CHMP1B: variants seen among roughly 807,000 people sequenced by gnomAD.
The protein encoded by CHMP1B is VPS46 homolog B.
Under a neutral mutation model 11.5 loss-of-function variants are expected in CHMP1B, and 5 were observed. That is an observed-to-expected ratio of 0.43 (90% confidence interval 0.23 to 0.91). The LOEUF is 0.91. CHMP1B is among the 40% of genes least tolerant of loss of function. CHMP1B has a pLI of 0.25. For missense variants in CHMP1B, 246 were observed against 261.2 expected (o/e 0.94, Z 0.40); for synonymous variants, 105 against 105.7 (o/e 0.99, Z 0.04).
rs1309729637 is a variant in CHMP1B, at chr18:11,853,573, A to G, written c.*1462A>G. On this transcript the variant is annotated 3_prime_UTR_variant, in exon 1 of 1. Transcript: ENST00000526991. ...CCCTTCCAAGTTCTTTGAAAGATTC[A>G]TAACCAACTATTCACTATTATAACA... is the stretch of plus-strand genomic sequence containing the variant. 1.2e-5 allele frequency: 2 copies of G among 167,082 alleles called. No homozygotes were observed. Among genetic ancestry groups the G allele is most frequent in the Non-Finnish European group, 2.9e-5 (2 of 68,124 alleles). 10.3% of individuals were successfully genotyped at this position (167,082 alleles called of 1,614,324 possible).
Position 11,854,034 on chromosome 18 carries a change from A to G in CHMP1B, c.*1923A>G, listed in dbSNP as rs544096430. On this transcript the variant is annotated 3_prime_UTR_variant, in exon 1 of 1. Transcript: ENST00000526991. ...GAGACAGGGTTTCACTATGTTGGCC[A>G]GGCTGGTCTTGAACTCCTGACCTCA... 1 of 166,812 alleles carries G rather than the reference A, an allele frequency of 6.0e-6. No individual in the cohort carries two copies. The highest frequency in any genetic ancestry group is 6.5e-5 in the Admixed American group (1 of 15,306). The allele number at this position is 166,812 out of a possible 1,614,324, so 10.3% of individuals were successfully genotyped here.
At position 11,851,751 on chromosome 18, in the gene CHMP1B, G is replaced by C. The variant is rs1301933761; in HGVS notation, c.240G>C (p.Gln80His). 1 of 1,613,924 alleles carries C rather than the reference G, an allele frequency of 6.2e-7. No homozygotes were observed. Reference sequence around the variant, plus strand: ...TCGATGCAGTGGCTGCCAGGGTCCAGACGGCGGTGACGATGGGCAAGGTGA... The same window carrying C: ...TCGATGCAGTGGCTGCCAGGGTCCACACGGCGGTGACGATGGGCAAGGTGA... ...ARVDAVAARV[Q>H]TAVTMGKVTK... Residue 80 changes from glutamine (Q) to histidine (H), a missense_variant, in exon 1 of 1, where the codon CAG becomes CAC. Gln to His is a conservative substitution (Grantham distance 24). Transcript: ENST00000526991.
chr18:11,851,840 A>T lies in CHMP1B; in HGVS notation c.329A>T (p.Lys110Met). The T allele has an allele frequency of 6.2e-7, 1 of 1,613,890 alleles. No individual in the cohort carries two copies. The highest frequency in any genetic ancestry group is 2.2e-5 in the East Asian group (1 of 44,898). ...ACATTGAAGACCATGAATCTGGAGA[A>T]GATTTCTGCTTTGATGGACAAATTC... ...DATLKTMNLE[K>M]ISALMDKFEH... is the part of the protein sequence containing the mutation. Residue 110 changes from lysine (K) to methionine (M), a missense_variant, in exon 1 of 1, where the codon AAG (lysine) becomes ATG (methionine). Lys to Met is a moderately conservative substitution (Grantham distance 95). Coordinates refer to ENST00000526991, the MANE Select transcript of CHMP1B (RefSeq NM_020412.5).
Position 11,852,730 on chromosome 18 carries a change from A to T in CHMP1B, c.*619A>T, listed in dbSNP as rs1194096796. ...AATTACCTTAGGATATTTTTGCATA[A>T]TACTCTCTTACTGCTTACATTCTAT... On this transcript the variant is annotated 3_prime_UTR_variant, in exon 1 of 1. Coordinates refer to ENST00000526991, the MANE Select transcript of CHMP1B (RefSeq NM_020412.5). 1 of 166,502 alleles carries T rather than the reference A, an allele frequency of 6.0e-6. No homozygotes were observed. Among genetic ancestry groups the T allele is most frequent in the Admixed American group, 6.6e-5 (1 of 15,246 alleles). The allele number at this position is 166,502 out of a possible 1,614,324, so 10.3% of individuals were successfully genotyped here.
rs1647542 is a variant in CHMP1B, at chr18:11,853,054, A to G, written c.*943A>G. 0.98 allele frequency: 164,479 copies of G among 167,214 alleles called. 80,949 individuals are homozygous for G. Among genetic ancestry groups the G allele is most frequent in the East Asian group, 1 (5,194 of 5,194 alleles). 10.4% of individuals were successfully genotyped at this position (167,214 alleles called of 1,614,324 possible). A position where few individuals can be genotyped will look rare whatever the true frequency, so the allele number is the denominator to read the frequency against. On this transcript the variant is annotated 3_prime_UTR_variant, in exon 1 of 1. Coordinates refer to ENST00000526991, the MANE Select transcript of CHMP1B (RefSeq NM_020412.5). ...TGTTGATTTCGTTTGAGAAAACCCT[A>G]GGACTGTGTGTGTGTAGGTTTTGTT...
rs927571474 is a variant in CHMP1B at position 11,854,326 on chromosome 18, T to C, written c.*2215T>C. The C allele has an allele frequency of 1.2e-5, 2 of 167,124 alleles. No homozygotes were observed. The highest frequency in any genetic ancestry group is 1.3e-4 in the Admixed American group (2 of 15,286). The allele number at this position is 167,124 out of a possible 1,614,324, so 10.4% of individuals were successfully genotyped here. On this transcript the variant is annotated 3_prime_UTR_variant, in exon 1 of 1. Transcript: ENST00000526991. ...ATACTATTATGAATGTACATTTTTA[T>C]GAGTCATAAATATTATTTTCAAAAG... is the stretch of plus-strand genomic sequence containing the variant.
At position 11,852,012 on chromosome 18, in the gene CHMP1B, G is replaced by A; in HGVS notation, c.501G>A (p.Glu167=). The change falls in exon 1 of 1, where the codon GAG becomes GAA. Residue 167 remains glutamate (E), a synonymous_variant. Transcript: ENST00000526991. ...AGGCGGGCCTCGACCTCAACATGGA[G>A]CTGCCGCAGGGCCAGACCGGCTCCG... is the stretch of plus-strand genomic sequence containing the variant. ...ADEAGLDLNM[E]LPQGQTGSVG... is the part of the protein sequence containing the mutation. The A allele has an allele frequency of 6.2e-7, 1 of 1,613,612 alleles. No individual in the cohort carries two copies. The highest frequency in any genetic ancestry group is 1.1e-5 in the South Asian group (1 of 91,084).
In CHMP1B at chr18:11,852,606, G is replaced by T. The variant is rs565943555; in HGVS notation, c.*495G>T. The stretch of plus-strand genomic sequence containing the variant: ...TATTTCTGTTTATCCTTTGGGTTTT[G>T]GTTTTTGTTTTTTTTTTTTTTGCCT... On this transcript the variant is annotated 3_prime_UTR_variant, in exon 1 of 1. Coordinates refer to ENST00000526991, the MANE Select transcript of CHMP1B (RefSeq NM_020412.5). 150 of 58,606 alleles carry T rather than the reference G, an allele frequency of 2.6e-3. 1 individual carries two copies. The highest frequency in any genetic ancestry group is 9.3e-3 in the African/African-American group (115 of 12,370). The allele number at this position is 58,606 out of a possible 1,614,324, so 3.6% of individuals were successfully genotyped here.
Position 11,853,144 on chromosome 18 carries a change from A to G in CHMP1B, c.*1033A>G, listed in dbSNP as rs532246054. On this transcript the variant is annotated 3_prime_UTR_variant, in exon 1 of 1. Coordinates refer to ENST00000526991, the MANE Select transcript of CHMP1B (RefSeq NM_020412.5). ...GCGTTTTAAGTTCTAATTTGCATTTATTAATTTGTCCAAAAGCAAGAACTC... is the reference window on the plus strand; with the variant it reads ...GCGTTTTAAGTTCTAATTTGCATTTGTTAATTTGTCCAAAAGCAAGAACTC... The G allele has an allele frequency of 1.2e-5, 2 of 167,204 alleles. No individual in the cohort carries two copies. Among genetic ancestry groups the G allele is most frequent in the African/African-American group, 4.8e-5 (2 of 41,598 alleles). The allele number at this position is 167,204 out of a possible 1,614,324, so 10.4% of individuals were successfully genotyped here. A position where few individuals can be genotyped will look rare whatever the true frequency, so the allele number is the denominator to read the frequency against.
Position 11,851,733 on chromosome 18 carries a change from A to G in CHMP1B, c.222A>G (p.Ala74=). Residue 74 remains alanine (A), a synonymous_variant, in exon 1 of 1, where the codon GCA becomes GCG. Transcript: ENST00000526991. ...TGAGAATGAGTGCGCGAGTCGATGC[A>G]GTGGCTGCCAGGGTCCAGACGGCGG... ...NFLRMSARVD[A]VAARVQTAVT... 1 of 1,614,030 alleles carries G rather than the reference A, an allele frequency of 6.2e-7. No individual in the cohort carries two copies. Among genetic ancestry groups the G allele is most frequent in the Non-Finnish European group, 8.5e-7 (1 of 1,179,868 alleles).
Position 11,851,925 on chromosome 18 carries a change from C to A in CHMP1B, c.414C>A (p.Ser138Arg). 6.2e-7 allele frequency: 1 copy of A among 1,613,972 alleles called. No individual in the cohort carries two copies. The highest frequency in any genetic ancestry group is 1.7e-5 in the Admixed American group (1 of 60,030). ...QTQQMEDTMS[S>R]TTTLTTPQNQ... Reference sequence around the variant, plus strand: ...AGCAAATGGAAGACACGATGAGCAGCACGACGACGCTCACCACTCCCCAGA... The same window carrying A: ...AGCAAATGGAAGACACGATGAGCAGAACGACGACGCTCACCACTCCCCAGA... Residue 138 changes from serine to arginine, a missense_variant, in exon 1 of 1, where the codon AGC becomes AGA. Ser to Arg is a moderately radical substitution (Grantham distance 110, BLOSUM62 -1). Transcript: ENST00000526991.
chr18:11,854,001 T>C lies in CHMP1B; in HGVS notation c.*1890T>C, dbSNP rs1483007474. On this transcript the variant is annotated 3_prime_UTR_variant, in exon 1 of 1. Coordinates refer to ENST00000526991, the MANE Select transcript of CHMP1B (RefSeq NM_020412.5). The stretch of plus-strand genomic sequence containing the variant: ...CCATGCCCAGCTAGTTTTTTTGTAT[T>C]TTTAGTAGAGACAGGGTTTCACTAT... The C allele has an allele frequency of 6.0e-6, 1 of 165,636 alleles. No individual in the cohort carries two copies. Among genetic ancestry groups the C allele is most frequent in the Non-Finnish European group, 1.5e-5 (1 of 68,154 alleles). 10.3% of individuals were successfully genotyped at this position (165,636 alleles called of 1,614,324 possible). A position where few individuals can be genotyped will look rare whatever the true frequency, so the allele number is the denominator to read the frequency against.
At position 11,851,538 on chromosome 18, in the gene CHMP1B, C is replaced by G. The variant is rs755446778; in HGVS notation, c.27C>G (p.Phe9Leu). Residue 9 changes from phenylalanine (F) to leucine (L), a missense_variant, in exon 1 of 1, where the codon TTC becomes TTG. Physicochemically the swap from Phe to Leu is conservative, Grantham distance 22. Transcript: ENST00000526991. MSNMEKHL[F>L]NLKFAAKELS... ...TGTCTAACATGGAGAAACACCTGTTCAACCTGAAGTTCGCGGCCAAAGAAC... is the reference window on the plus strand; with the variant it reads ...TGTCTAACATGGAGAAACACCTGTTGAACCTGAAGTTCGCGGCCAAAGAAC... The G allele has an allele frequency of 2.5e-6, 4 of 1,603,864 alleles. No individual in the cohort carries two copies. The East Asian group carries it at 9.0e-5, about 36-fold the overall frequency.
Position 11,853,238 on chromosome 18 carries a change from A to G in CHMP1B, c.*1127A>G, listed in dbSNP as rs866230354. 4 of 167,154 alleles carry G rather than the reference A, an allele frequency of 2.4e-5. No individual in the cohort carries two copies. The highest frequency in any genetic ancestry group is 9.6e-5 in the African/African-American group (4 of 41,478). 10.4% of individuals were successfully genotyped at this position (167,154 alleles called of 1,614,324 possible). On this transcript the variant is annotated 3_prime_UTR_variant, in exon 1 of 1. Coordinates refer to ENST00000526991, the MANE Select transcript of CHMP1B (RefSeq NM_020412.5). ...ATGCAAGTCATTTATGTATACATCCAGCCAGCTGGAAATCTGAGAAGTAAA... is the reference window on the plus strand; with the variant it reads ...ATGCAAGTCATTTATGTATACATCCGGCCAGCTGGAAATCTGAGAAGTAAA...
In CHMP1B at chr18:11,854,323, T is replaced by C. The variant is rs2035953051; in HGVS notation, c.*2212T>C. ...GTCATACTATTATGAATGTACATTT[T>C]TATGAGTCATAAATATTATTTTCAA... On this transcript the variant is annotated 3_prime_UTR_variant, in exon 1 of 1. Transcript: ENST00000526991. 1.8e-5 allele frequency: 3 copies of C among 167,124 alleles called. 1 individual carries two copies. The highest frequency in any genetic ancestry group is 4.1e-4 in the South Asian group (2 of 4,832). The allele number at this position is 167,124 out of a possible 1,614,324, so 10.4% of individuals were successfully genotyped here.
Position 11,851,520 on chromosome 18 carries a change from C to T in CHMP1B, c.9C>T (p.Asn3=), listed in dbSNP as rs1353920284. The T allele has an allele frequency of 1.9e-6, 3 of 1,589,688 alleles. No homozygotes were observed. Among genetic ancestry groups the T allele is most frequent in the Admixed American group, 1.8e-5 (1 of 55,012 alleles). The change falls in exon 1 of 1, where the codon AAC becomes AAT. Residue 3 remains asparagine (N), a synonymous_variant. Transcript: ENST00000526991. ...AAAGGAGCCGTCCGACTATGTCTAA[C>T]ATGGAGAAACACCTGTTCAACCTGA... MS[N]MEKHLFNLKF... is the part of the protein sequence containing the mutation.
At position 11,854,235 on chromosome 18, in the gene CHMP1B, T is replaced by C. The variant is rs866669516; in HGVS notation, c.*2124T>C. On this transcript the variant is annotated 3_prime_UTR_variant, in exon 1 of 1. Coordinates refer to ENST00000526991, the MANE Select transcript of CHMP1B (RefSeq NM_020412.5). Reference sequence around the variant, plus strand: ...ATAATGCACATATTCCCAACAAAATTAATATATTTTGTGAGATTAAACAAT... The same window carrying C: ...ATAATGCACATATTCCCAACAAAATCAATATATTTTGTGAGATTAAACAAT... The C allele has an allele frequency of 1.8e-5, 3 of 167,210 alleles. No individual in the cohort carries two copies. The highest frequency in any genetic ancestry group is 4.4e-5 in the Non-Finnish European group (3 of 68,112). The allele number at this position is 167,210 out of a possible 1,614,324, so 10.4% of individuals were successfully genotyped here.
At position 11,853,290 on chromosome 18, in the gene CHMP1B, G is replaced by C. The variant is rs1008934534; in HGVS notation, c.*1179G>C. 3.0e-5 allele frequency: 5 copies of C among 167,106 alleles called. No homozygotes were observed. Among genetic ancestry groups the C allele is most frequent in the Non-Finnish European group, 7.3e-5 (5 of 68,112 alleles). 10.4% of individuals were successfully genotyped at this position (167,106 alleles called of 1,614,324 possible). On this transcript the variant is annotated 3_prime_UTR_variant, in exon 1 of 1. Transcript: ENST00000526991. ...AGGTAGGACTGGAAGGAAGGAGAAAGCTTGAGTCTTTAAGGCTAGAGCCCA... is the reference window on the plus strand; with the variant it reads ...AGGTAGGACTGGAAGGAAGGAGAAACCTTGAGTCTTTAAGGCTAGAGCCCA...
At position 11,851,529 on chromosome 18, in the gene CHMP1B, A is replaced by G. The variant is rs760445799; in HGVS notation, c.18A>G (p.Lys6=). The G allele has an allele frequency of 6.3e-7, 1 of 1,597,920 alleles. No homozygotes were observed. The highest frequency in any genetic ancestry group is 2.2e-5 in the East Asian group (1 of 44,548). ...GTCCGACTATGTCTAACATGGAGAA[A>G]CACCTGTTCAACCTGAAGTTCGCGG... The part of the protein sequence containing the change: MSNME[K]HLFNLKFAAK... Residue 6 remains lysine (K), a synonymous_variant, in exon 1 of 1, where the codon AAA becomes AAG. Coordinates refer to ENST00000526991, the MANE Select transcript of CHMP1B (RefSeq NM_020412.5).
Sources: allele counts gnomAD v4.1 joint callset, GRCh38; gene constraint gnomAD v4.1.1; transcripts MANE v1.5; gene names NCBI Gene and HGNC (gene_info 2026-07-23, HGNC 2026-07-21).